The following GJB1 variants were observed in gnomAD, a reference collection of about 807,000 sequenced individuals.
GJB1 encodes the protein gap junction beta-1 protein.
GJB1 carries 1 observed loss-of-function variant against 12.0 expected under a neutral mutation model. The ratio of observed to expected loss-of-function variants is 0.08; its 90% CI spans 0.03 to 0.40. GJB1 has a LOEUF of 0.40. GJB1 is among the 10% of genes least tolerant of loss of function. The pLI is 0.98. For synonymous variants in GJB1, 114 were observed against 102.8 expected (o/e 1.11, Z -0.66); for missense variants, 140 against 250.3 (o/e 0.56, Z 2.97).
At chrX:71,221,323 T>TTTTATTTATTTA (rs57849718), upstream of GJB1, among the ~76,000 whole-genome samples, 6 of 100,122 alleles carry the variant, frequency 6.0e-5, no homozygotes, top group East Asian at 3.0e-4. Flanking sequence ...CACTAAGGCT[T>TTTTATTTATTTA]TTTATTTATT....
At chrX:71,220,846 C>A (rs190839550), upstream of GJB1, among the ~76,000 whole-genome samples, 535 of 102,604 alleles carry the variant, frequency 5.2e-3, 6 homozygotes, top group African/African-American at 0.019. Context: ...GAGTGTAACA[C>A]ATCTCACCAC....
At chrX:71,215,752 G>A (rs1020688468) in intron 1 of GJB1, among the ~76,000 whole-genome samples, 7 of 111,857 alleles carry the variant, frequency 6.3e-5, no homozygotes, top group Non-Finnish European at 1.1e-4. Context: ...TGAATAAAGC[G>A]TGCTCAGCGG....
At chrX:71,218,952 TACTG>T (rs1192422143), upstream of GJB1, among the ~76,000 whole-genome samples, 17 of 109,847 alleles carry the variant, frequency 1.5e-4, no homozygotes, top group Non-Finnish European at 2.3e-4. Context: ...CTCTATCACT[TACTG>T]ACTATGTGAC....
upstream of GJB1, among the ~76,000 whole-genome samples, chrX:71,223,046 G>A (rs2092540657): frequency 1.8e-5 from 2 of 111,784 alleles, no homozygotes; most frequent in Non-Finnish European, 3.8e-5. Context: ...TGGACCGGGC[G>A]GGCACAGAAC....
upstream of GJB1, among the ~76,000 whole-genome samples, chrX:71,221,465 T>A (rs922495193): frequency 1.8e-5 from 2 of 110,896 alleles, no homozygotes; most frequent in Admixed American, 1.9e-4. Context: ...CTTTTGCAGT[T>A]GCTGTTACCC....
chrX:71,215,940 C>T (rs761468995), intron 1 of GJB1, among the ~76,000 whole-genome samples: 8 of 107,724 alleles, frequency 7.4e-5, no homozygotes, highest in African/African-American at 2.4e-4. Flanking sequence ...GGCGCAATCT[C>T]GGCTCACTGC....
intron 1 of GJB1, among the ~76,000 whole-genome samples, chrX:71,216,059 C>T (rs867736958): frequency 7.2e-4 from 79 of 109,325 alleles, no homozygotes; most frequent in Non-Finnish European, 1.5e-4. Context: ...TTAGTAGAGA[C>T]GGGGTTTCTC....
At chrX:71,220,142 CTT>C (rs41353351), upstream of GJB1, among the ~76,000 whole-genome samples, 12 of 52,803 alleles carry the variant, frequency 2.3e-4, no homozygotes, top group East Asian at 2.0e-3. Context: ...TGTGCCTGGC[CTT>C]TTTTTTTTTT....
rs1057524799 is a variant in GJB1, at chrX:71,224,366, G to A, written c.659G>A (p.Arg220Gln). 6 of 1,209,877 alleles carry A rather than the reference G, an allele frequency of 5.0e-6. No homozygotes were observed. The highest frequency in any genetic ancestry group is 2.3e-4 in the Middle Eastern group (1 of 4,350). Residue 220 changes from arginine to glutamine, a missense_variant, in exon 2 of 2, where the codon CGA becomes CAA. Arg to Gln is a conservative substitution (Grantham distance 43). Transcript: ENST00000361726. ...VYLIIRACAR[R>Q]AQRRSNPPSR... is the part of the protein sequence containing the mutation. ...CTCATCATCCGGGCCTGTGCCCGCC[G>A]AGCCCAGCGCCGCTCCAATCCACCT... is the stretch of plus-strand genomic sequence containing the variant.
At chrX:71,222,994 C>T (rs756681461), upstream of GJB1, among the ~76,000 whole-genome samples, 245 of 111,043 alleles carry the variant, frequency 2.2e-3, no homozygotes, top group Middle Eastern at 9.4e-3. Context: ...CCCGCCCCCC[C>T]GTGGCCATTC....
chrX:71,217,535 C>T (rs2092527991), intron 1 of GJB1: 1 of 111,747 alleles, frequency 8.9e-6, no homozygotes, highest in Non-Finnish European at 1.9e-5. Context: ...GCAGCAACAC[C>T]GAGGATATCA....
At chrX:71,223,037 G>A (rs934334732), upstream of GJB1, among the ~76,000 whole-genome samples, 1 of 111,687 alleles carries the variant, frequency 9.0e-6, no homozygotes, top group African/African-American at 3.3e-5. Context: ...GTGCGGCGAT[G>A]GACCGGGCGG....
upstream of GJB1, among the ~76,000 whole-genome samples, chrX:71,219,931 C>T (rs1449159773): frequency 2.0e-5 from 2 of 101,891 alleles, no homozygotes; most frequent in Non-Finnish European, 4.0e-5. Context: ...CAACATCTGC[C>T]TCCCGGGTTC....
Position 71,224,437 on chromosome X carries a change from A to C in GJB1, c.730A>C (p.Lys244Gln). ...GFGHRLSPEYKQNEINKLLSE... is the reference protein window; with the variant it reads ...GFGHRLSPEYQQNEINKLLSE... ...CGGCCACCGCCTCTCACCTGAATAC[A>C]AGCAGAATGAGATCAACAAGCTGCT... Residue 244 changes from lysine (K) to glutamine (Q), a missense_variant, in exon 2 of 2, where the codon AAG becomes CAG. Around this residue, in one of 4 missense-constraint regions of GJB1, gnomAD observed 75 missense variants for 78.8 expected, o/e 0.95. Transcript: ENST00000361726. 8.3e-7 allele frequency: 1 copy of C among 1,209,709 alleles called. No individual in the cohort carries two copies. Among genetic ancestry groups the C allele is most frequent in the Non-Finnish European group, 1.1e-6 (1 of 894,702 alleles).
chrX:71,217,476 C>T (rs775397680), intron 1 of GJB1, among the ~76,000 whole-genome samples: 2 of 111,934 alleles, frequency 1.8e-5, no homozygotes, highest in African/African-American at 6.5e-5. Context: ...CAGAGCCTGA[C>T]AAGGCCAGAG....
intron 1 of GJB1, among the ~76,000 whole-genome samples, 151 bp from the exon 2 acceptor site, chrX:71,223,541 G>A (rs1232465819): frequency 9.0e-6 from 1 of 111,057 alleles, no homozygotes; most frequent in African/African-American, 3.3e-5. Context: ...AGCTGGCAAG[G>A]GAGATGGGGT....
chrX:71,221,563 C>A (rs1282631921), upstream of GJB1, among the ~76,000 whole-genome samples: 1 of 110,638 alleles, frequency 9.0e-6, no homozygotes, highest in African/African-American at 3.3e-5. Flanking sequence ...GGAGCATGCA[C>A]TGGGGTCAGG....
chrX:71,218,593 A>T, upstream of GJB1, among the ~76,000 whole-genome samples: 1 of 108,030 alleles, frequency 9.3e-6, no homozygotes, highest in Non-Finnish European at 1.9e-5. Context: ...AAAGAAAAAA[A>T]AAGTGTGTGG....
Position 71,224,632 on chromosome X carries a change from G to A in GJB1, c.*73G>A. The A allele has an allele frequency of 1.1e-6, 1 of 889,923 alleles. No homozygotes were observed. The allele number at this position is 889,923 out of a possible 1,213,427, so 73.3% of individuals were successfully genotyped here. ...GCGAGCCCCTCCTTCTCCCCTGCCG[G>A]TGCACAGGCCTCTGCCTGCTGGGGA... On this transcript the variant is annotated 3_prime_UTR_variant, in exon 2 of 2. Transcript: ENST00000361726.
Sources: allele counts gnomAD v4.1 joint callset (sites outside exome capture counted in the v4.1 genomes callset), GRCh38; gene constraint gnomAD v4.1.1; regional missense constraint gnomAD v4.1.1; transcripts MANE v1.5; gene names NCBI Gene and HGNC (gene_info 2026-07-23, HGNC 2026-07-21).